The following GLG1 variants were observed in gnomAD, a reference collection of about 807,000 sequenced individuals.
GLG1 encodes golgi glycoprotein 1.
GLG1 carries 38 observed loss-of-function variants against 160.5 expected under a neutral mutation model. The ratio of observed to expected loss-of-function variants is 0.24; its 90% CI spans 0.18 to 0.31. The LOEUF (loss-of-function observed/expected upper bound fraction) is 0.31. Ranked by LOEUF, GLG1 falls within the 10% of genes least tolerant of loss-of-function variation. The pLI, the probability that GLG1 is intolerant of heterozygous loss-of-function variation, is 1.00. For synonymous variants in GLG1, 644 were observed against 543.4 expected (o/e 1.19, Z -2.57); for missense variants, 1,373 against 1,505.2 (o/e 0.91, Z 1.45).
At chr16:74,538,362 T>C (rs1256098331) in intron 1 of GLG1, among the ~76,000 whole-genome samples, 3 of 152,180 alleles carry the variant, frequency 2.0e-5, no homozygotes, top group South Asian at 2.1e-4. Flanking sequence ...ACTTCATTTA[T>C]TAACCTTGTC....
chr16:74,564,122 T>G (rs551988309), intron 1 of GLG1, among the ~76,000 whole-genome samples: 2 of 152,164 alleles, frequency 1.3e-5, no homozygotes, highest in Admixed American at 1.3e-4. Flanking sequence ...GGTCTTGCTA[T>G]GTTGCCTACG....
At chr16:74,513,852 G>C (rs997194673) in intron 2 of GLG1, among the ~76,000 whole-genome samples, 1 of 152,092 alleles carries the variant, frequency 6.6e-6, no homozygotes, top group Admixed American at 6.5e-5. Flanking sequence ...TGAGCTTAAC[G>C]AGCATGTTCT....
chr16:74,526,717 T>C (rs1314651521), intron 2 of GLG1, among the ~76,000 whole-genome samples: 2 of 152,136 alleles, frequency 1.3e-5, no homozygotes, highest in Non-Finnish European at 2.9e-5. Flanking sequence ...GACCAAGACC[T>C]TGTCTCAAAA....
At chr16:74,573,845 G>A (rs1437292246) in intron 1 of GLG1, among the ~76,000 whole-genome samples, 2 of 151,238 alleles carry the variant, frequency 1.3e-5, no homozygotes, top group Admixed American at 6.6e-5. Context: ...CCAGACTGGA[G>A]TGCAGTGACG....
chr16:74,559,339 A>AG (rs1454219298), intron 1 of GLG1, among the ~76,000 whole-genome samples: 1 of 150,758 alleles, frequency 6.6e-6, no homozygotes, highest in Non-Finnish European at 1.5e-5. Flanking sequence ...GCTACTCAGG[A>AG]GGCTGAGGGC....
intron 13 of GLG1, among the ~76,000 whole-genome samples, chr16:74,473,371 G>A (rs12449125): frequency 0.27 from 39,795 of 147,956 alleles, 5,661 homozygotes; most frequent in Middle Eastern, 0.36. Context: ...GTTTTACCAC[G>A]CCCAGCTAAT....
At chr16:74,603,408 CA>C (rs66587758) in intron 1 of GLG1, among the ~76,000 whole-genome samples, 93,638 of 128,908 alleles carry the variant, frequency 0.73, 32,732 homozygotes, top group African/African-American at 0.82. Flanking sequence ...GACTCCGTCT[CA>C]AAAAAAAAAA....
In GLG1 at chr16:74,471,310, C is replaced by T. The variant is rs2015200379; in HGVS notation, c.2116-24G>A. ...TCCTGGGGAAGACAGCATGCATTTA[C>T]ACTTCATTGGTAACAATTAATGAAC... On this transcript the variant is annotated intron_variant, in intron 14 of 25. Transcript: ENST00000422840. 5 of 1,240,036 alleles carry T rather than the reference C, an allele frequency of 4.0e-6. No homozygotes were observed. In the African/African-American group the frequency reaches 4.4e-5, roughly 11 times the overall value. 76.8% of individuals were successfully genotyped at this position (1,240,036 alleles called of 1,614,324 possible).
At chr16:74,579,753 C>G (rs1957896549) in intron 1 of GLG1, among the ~76,000 whole-genome samples, 1 of 149,754 alleles carries the variant, frequency 6.7e-6, no homozygotes, top group South Asian at 2.1e-4. Context: ...AAAAAACCCT[C>G]AAGAGATCTT....
intron 25 of GLG1, among the ~76,000 whole-genome samples, chr16:74,456,149 T>C (rs1342772036): frequency 6.6e-6 from 1 of 152,214 alleles, no homozygotes; most frequent in Non-Finnish European, 1.5e-5. Flanking sequence ...AGGCTGGATT[T>C]CTTTCTTTTG....
At chr16:74,602,261 G>A (rs1421014703) in intron 1 of GLG1, among the ~76,000 whole-genome samples, 1 of 152,128 alleles carries the variant, frequency 6.6e-6, no homozygotes, top group East Asian at 1.9e-4. Flanking sequence ...TTTATAATCT[G>A]AGACTGATAT....
intron 1 of GLG1, among the ~76,000 whole-genome samples, chr16:74,583,676 A>G (rs1234288298): frequency 6.6e-6 from 1 of 152,174 alleles, no homozygotes; most frequent in South Asian, 2.1e-4. Context: ...CACGGCACCC[A>G]GCCTAAACTT....
intron 2 of GLG1, among the ~76,000 whole-genome samples, chr16:74,527,469 C>T (rs1364777074): frequency 3.3e-5 from 5 of 151,844 alleles, no homozygotes; most frequent in Admixed American, 6.6e-5. Flanking sequence ...AGGCTGGTCT[C>T]GAACTCCTGA....
intron 2 of GLG1, among the ~76,000 whole-genome samples, chr16:74,516,643 G>T (rs148352996): frequency 0.25 from 37,528 of 152,020 alleles, 5,009 homozygotes; most frequent in Middle Eastern, 0.35. Flanking sequence ...ATAATTAAAA[G>T]AACTAGAGAA....
chr16:74,531,851 T>A (rs2143609137), intron 2 of GLG1, among the ~76,000 whole-genome samples: 1 of 152,296 alleles, frequency 6.6e-6, no homozygotes, highest in Non-Finnish European at 1.5e-5. Flanking sequence ...AATTCTAAAG[T>A]TGTAAACTTG....
chr16:74,511,583 TTTA>T lies in GLG1; in HGVS notation c.472-2661_472-2659del, dbSNP rs776209544. ...AGGAGAATAACTTGAACCTTTTTTT[TTTA>T]AAAAAAAAAAAAAAAAGAAAGAAAG... On this transcript the variant is annotated intron_variant, in intron 2 of 25. Coordinates refer to ENST00000422840, the MANE Select transcript of GLG1 (RefSeq NM_001145667.2). Among the ~76,000 whole-genome samples, 462 of 116,504 alleles carry T rather than the reference TTTA, an allele frequency of 4.0e-3. 1 individual carries two copies. Among genetic ancestry groups the T allele is most frequent in the African/African-American group, 5.0e-3 (168 of 33,432 alleles). The allele number at this position is 116,504 out of a possible 152,430, so 76.4% of individuals were successfully genotyped here. A position where few individuals can be genotyped will look rare whatever the true frequency, so the allele number is the denominator to read the frequency against.
intron 10 of GLG1, among the ~76,000 whole-genome samples, chr16:74,482,148 C>G (rs2015624256): frequency 6.6e-6 from 1 of 152,050 alleles, no homozygotes; most frequent in South Asian, 2.1e-4. Context: ...CACTACCATA[C>G]CTGGCTGATT....
At position 74,453,006 on chromosome 16, in the gene GLG1, A is replaced by T. The variant is rs1417671967; in HGVS notation, c.*161T>A. On this transcript the variant is annotated 3_prime_UTR_variant, in exon 26 of 26. Coordinates refer to ENST00000422840, the MANE Select transcript of GLG1 (RefSeq NM_001145667.2). ...TGAGGAGGAGGAGGACACCATGGAC[A>T]CGAGTGGAGGCTGGATGGGACAACG... The T allele has an allele frequency of 5.1e-6, 7 of 1,364,316 alleles. No individual in the cohort carries two copies. The African/African-American group carries it at 1.0e-4, about 20-fold the overall frequency. The allele number at this position is 1,364,316 out of a possible 1,614,324, so 84.5% of individuals were successfully genotyped here.
intron 1 of GLG1, among the ~76,000 whole-genome samples, chr16:74,581,805 G>A (rs1015299745): frequency 3.3e-5 from 5 of 152,062 alleles, no homozygotes; most frequent in East Asian, 1.9e-4. Flanking sequence ...CCAGCTACTC[G>A]GGAGGCTGAG....
Sources: gnomAD v4.1 joint callset for allele counts (sites outside exome capture counted in the v4.1 genomes callset) on GRCh38, gnomAD v4.1.1 for gene constraint, MANE v1.5 for transcripts, NCBI Gene and HGNC (gene_info 2026-07-23, HGNC 2026-07-21) for gene names.